Variants in NRCAM observed in about 807,000 individuals in gnomAD.
NRCAM encodes neuronal cell adhesion molecule.
A neutral mutation model predicts 156.5 loss-of-function variants in NRCAM; 83 were observed. The observed-to-expected ratio is 0.53, with a 90% CI of 0.44 to 0.64. The LOEUF is 0.64. Among genes scored for constraint, NRCAM ranks in the 30% least tolerant of loss-of-function variants. The pLI is 0.00. For synonymous variants in NRCAM, 538 were observed against 563.9 expected (o/e 0.95, Z 0.65); for missense variants, 1,417 against 1,597.3 (o/e 0.89, Z 1.92).
At chr7:108,239,855 C>T in intron 4 of NRCAM, 104 bp downstream of exon 4, 1 of 659,106 alleles carries the variant, frequency 1.5e-6, no homozygotes, top group South Asian at 2.1e-5. Context: ...ATTAGCTTTT[C>T]AGTATCACAC....
rs1218877680 is a variant in NRCAM at position 108,366,609 on chromosome 7, CAA to C, written c.-174+32825_-174+32826del. On this transcript the variant is annotated intron_variant, in intron 2 of 32. Transcript: ENST00000379028. ...AAAATGAATATTACAACTTTTACGA[CAA>C]AGAGTTGTTACTGAGAATTAAAAAG... is the stretch of plus-strand genomic sequence containing the variant. Among the ~76,000 whole-genome samples the C allele has an allele frequency of 3.3e-5, 5 of 152,238 alleles. No individual in the cohort carries two copies. The South Asian group carries it at 1.0e-3, about 32-fold the overall frequency.
chr7:108,335,337 C>T (rs1407821628), intron 2 of NRCAM, among the ~76,000 whole-genome samples: 4 of 151,280 alleles, frequency 2.6e-5, no homozygotes, highest in Non-Finnish European at 5.9e-5. Flanking sequence ...TATATTTTTC[C>T]TCATAAAATA....
At chr7:108,377,292 T>C (rs1161369497) in intron 2 of NRCAM, among the ~76,000 whole-genome samples, 1 of 152,140 alleles carries the variant, frequency 6.6e-6, no homozygotes, top group South Asian at 2.1e-4. Context: ...GCAAACAAAA[T>C]GAATCCCAGA....
At chr7:108,385,673 T>A (rs2099738261) in intron 2 of NRCAM, among the ~76,000 whole-genome samples, 1 of 152,182 alleles carries the variant, frequency 6.6e-6, no homozygotes, top group Admixed American at 6.6e-5. Context: ...GAGGGAGTCC[T>A]GGAATACCAG....
chr7:108,292,042 G>C (rs2098313185), intron 3 of NRCAM, among the ~76,000 whole-genome samples: 1 of 152,220 alleles, frequency 6.6e-6, no homozygotes, highest in South Asian at 2.1e-4. Context: ...AGCTTTAGCT[G>C]ATAGTGGTCA....
chr7:108,410,283 T>C (rs1793809407), intron 1 of NRCAM, among the ~76,000 whole-genome samples: 1 of 152,258 alleles, frequency 6.6e-6, no homozygotes, highest in Non-Finnish European at 1.5e-5. Flanking sequence ...ACCCAATTTC[T>C]TATTAAGAAT....
intron 1 of NRCAM, among the ~76,000 whole-genome samples, chr7:108,423,051 T>C (rs972934087): frequency 4.6e-5 from 7 of 152,102 alleles, no homozygotes; most frequent in Non-Finnish European, 8.8e-5. Flanking sequence ...AGACAGTGGT[T>C]ACCTCTGGAG....
At chr7:108,425,783 G>A (rs955007858) in intron 1 of NRCAM, among the ~76,000 whole-genome samples, 2 of 152,200 alleles carry the variant, frequency 1.3e-5, no homozygotes, top group African/African-American at 4.8e-5. Context: ...CAGATTAACT[G>A]TTGACACTGT....
At chr7:108,410,190 T>G (rs978106974) in intron 1 of NRCAM, among the ~76,000 whole-genome samples, 1 of 152,232 alleles carries the variant, frequency 6.6e-6, no homozygotes, top group Non-Finnish European at 1.5e-5. Flanking sequence ...AAAGTACAGA[T>G]AGAAAAATAT....
At chr7:108,309,652 C>T (rs1055053925) in intron 3 of NRCAM, among the ~76,000 whole-genome samples, 3 of 152,084 alleles carry the variant, frequency 2.0e-5, no homozygotes, top group Non-Finnish European at 4.4e-5. Context: ...AGGCCAGGAG[C>T]TCAAGACCAG....
intron 2 of NRCAM, among the ~76,000 whole-genome samples, chr7:108,343,290 T>A (rs2099314071): frequency 6.6e-6 from 1 of 152,198 alleles, no homozygotes; most frequent in African/African-American, 2.4e-5. Flanking sequence ...TAGTCCTCCA[T>A]GCCCATGCAG....
intron 2 of NRCAM, among the ~76,000 whole-genome samples, chr7:108,320,703 T>C (rs1329538520): frequency 6.6e-6 from 1 of 152,246 alleles, no homozygotes; most frequent in Non-Finnish European, 1.5e-5. Context: ...GTTGTACAAA[T>C]TTGATTAGTA....
intron 1 of NRCAM, among the ~76,000 whole-genome samples, chr7:108,407,314 C>T (rs887168160): frequency 2.6e-5 from 4 of 152,128 alleles, no homozygotes; most frequent in Admixed American, 1.3e-4. Flanking sequence ...TTAATCGCTG[C>T]CCTAATATTG....
intron 7 of NRCAM, among the ~76,000 whole-genome samples, 164 bp from the exon 8 acceptor site, chr7:108,231,317 T>C (rs2094301312): frequency 6.6e-6 from 1 of 152,076 alleles, no homozygotes; most frequent in South Asian, 2.1e-4. Context: ...AAGAAAAAAG[T>C]AAAAATTTAA....
chr7:108,312,007 A>G (rs2098809689), intron 3 of NRCAM, among the ~76,000 whole-genome samples: 1 of 152,154 alleles, frequency 6.6e-6, no homozygotes, highest in Admixed American at 6.6e-5. Flanking sequence ...TTATTTTTTC[A>G]TCAAGTTCAG....
intron 30 of NRCAM, among the ~76,000 whole-genome samples, chr7:108,166,107 T>G (rs2053945119): frequency 6.6e-6 from 1 of 152,192 alleles, no homozygotes. Flanking sequence ...TTTGGTGTGA[T>G]AAAAAATGTA....
At chr7:108,394,510 CTCTT>C (rs1319752646) in intron 2 of NRCAM, among the ~76,000 whole-genome samples, 12 of 152,248 alleles carry the variant, frequency 7.9e-5, no homozygotes, top group Non-Finnish European at 1.6e-4. Context: ...CTCTCTTTGC[CTCTT>C]TCTGTCTTTG....
At chr7:108,209,102 T>C (rs1381590454) in intron 12 of NRCAM, among the ~76,000 whole-genome samples, 1 of 152,222 alleles carries the variant, frequency 6.6e-6, no homozygotes, top group East Asian at 1.9e-4. Flanking sequence ...CTCCTTAAAG[T>C]TTCACCCACT....
At chr7:108,156,421 A>T in intron 32 of NRCAM, 1 of 984,314 alleles carries the variant, frequency 1.0e-6, no homozygotes, top group Non-Finnish European at 1.2e-6. Context: ...ATTTTTCTAT[A>T]TGCTAGTAAG....
Sources: gnomAD v4.1 joint callset for allele counts (sites outside exome capture counted in the v4.1 genomes callset) on GRCh38, gnomAD v4.1.1 for gene constraint, MANE v1.5 for transcripts, NCBI Gene and HGNC (gene_info 2026-07-23, HGNC 2026-07-21) for gene names.